DCC: variants seen among roughly 807,000 people sequenced by gnomAD.
The protein encoded by DCC is netrin receptor DCC.
DCC carries 58 observed loss-of-function variants against 172.5 expected under a neutral mutation model. That is an observed-to-expected ratio of 0.34 (90% CI 0.27 to 0.42). The LOEUF (loss-of-function observed/expected upper bound fraction) is 0.42. DCC is among the 10% of genes least tolerant of loss of function. The probability of loss-of-function intolerance (pLI) is 1.00; values close to 1 mark genes in which losing one functional copy is unlikely to be tolerated. For synonymous variants in DCC, 709 were observed against 644.5 expected (o/e 1.10, Z -1.52); for missense variants, 1,740 against 1,791.0 (o/e 0.97, Z 0.51).
At chr18:52,951,517 A>T (rs1406610943) in intron 5 of DCC, among the ~76,000 whole-genome samples, 2 of 152,010 alleles carry the variant, frequency 1.3e-5, no homozygotes, top group East Asian at 3.9e-4. Flanking sequence ...CTCACTTATG[A>T]GTGAGAACAT....
At chr18:53,380,748 G>A (rs12969469) in intron 15 of DCC, among the ~76,000 whole-genome samples, 37,442 of 152,028 alleles carry the variant, frequency 0.25, 4,943 homozygotes, top group Middle Eastern at 0.33. Flanking sequence ...ACTAACTGAC[G>A]ATAGGAAAAC....
rs200079822 is a variant in DCC, at chr18:52,380,695, ATGT to A, written c.91+39820_91+39822del. 2.5e-4 allele frequency among the ~76,000 whole-genome samples: 38 copies of A among 152,218 alleles called. No homozygotes were observed. In the East Asian group the frequency reaches 6.4e-3, roughly 26 times the overall value. ...CAGTTTCCATCATTATAAAATGAGGATGTTGAGTCATGCAAAACAGAAACAACT... is the reference window on the plus strand; with the variant it reads ...CAGTTTCCATCATTATAAAATGAGGATGAGTCATGCAAAACAGAAACAACT... On this transcript the variant is annotated intron_variant, in intron 1 of 28. Coordinates refer to ENST00000442544, the MANE Select transcript of DCC (RefSeq NM_005215.4).
intron 5 of DCC, among the ~76,000 whole-genome samples, chr18:52,954,604 T>C (rs1365223477): frequency 1.3e-5 from 2 of 152,188 alleles, no homozygotes; most frequent in South Asian, 4.1e-4. Context: ...GCAAGGATCT[T>C]GGAATCTACA....
chr18:52,362,351 T>C (rs1598862185), intron 1 of DCC, among the ~76,000 whole-genome samples: 2 of 152,218 alleles, frequency 1.3e-5, no homozygotes, highest in African/African-American at 4.8e-5. Context: ...TGATAAACAG[T>C]CAACTTCTTT....
At chr18:53,027,070 G>A (rs1005461551) in intron 5 of DCC, among the ~76,000 whole-genome samples, 6 of 151,990 alleles carry the variant, frequency 3.9e-5, no homozygotes, top group Admixed American at 1.3e-4. Flanking sequence ...AATTTCCTGG[G>A]CATTCTTAAG....
chr18:52,587,039 G>A (rs918066425), intron 1 of DCC, among the ~76,000 whole-genome samples: 1 of 152,224 alleles, frequency 6.6e-6, no homozygotes, highest in Non-Finnish European at 1.5e-5. Context: ...AGAAGCACTG[G>A]GTGCAGGATA....
intron 7 of DCC, among the ~76,000 whole-genome samples, chr18:53,111,455 A>G (rs540241768): frequency 7.9e-5 from 12 of 151,300 alleles, no homozygotes; most frequent in East Asian, 3.9e-4. Flanking sequence ...TAAAAAAAAA[A>G]AAGAGAGACC....
At chr18:52,921,069 G>T (rs951235271) in intron 3 of DCC, among the ~76,000 whole-genome samples, 5 of 152,116 alleles carry the variant, frequency 3.3e-5, no homozygotes, top group African/African-American at 9.7e-5. Flanking sequence ...TTTTTAGGAT[G>T]CTGAGATTAT....
Position 53,388,649 on chromosome 18 carries a change from A to G in DCC, c.2455+2511A>G, listed in dbSNP as rs1462403483. Among the ~76,000 whole-genome samples the G allele has an allele frequency of 1.3e-5, 2 of 152,244 alleles. 1 individual carries two copies. Among genetic ancestry groups the G allele is most frequent in the East Asian group, 3.8e-4 (2 of 5,200 alleles). ...TATTTCTTGTTGTCTTAAGGACAAG[A>G]TATCTTGAGCCTGGAGAAGGAAAGA... On this transcript the variant is annotated intron_variant, in intron 16 of 28. Coordinates refer to ENST00000442544, the MANE Select transcript of DCC (RefSeq NM_005215.4).
intron 1 of DCC, among the ~76,000 whole-genome samples, chr18:52,583,991 A>G (rs946136461): frequency 1.2e-4 from 18 of 152,186 alleles, no homozygotes; most frequent in African/African-American, 4.1e-4. Context: ...CTAGAAGCAG[A>G]TAGTGAATGT....
At chr18:52,575,979 A>G (rs2033400423) in intron 1 of DCC, among the ~76,000 whole-genome samples, 1 of 152,180 alleles carries the variant, frequency 6.6e-6, no homozygotes, top group Non-Finnish European at 1.5e-5. Flanking sequence ...TGGGTAAGCG[A>G]AGGAAGATCT....
At chr18:53,435,978 A>G (rs1365257179) in intron 22 of DCC, among the ~76,000 whole-genome samples, 1 of 152,194 alleles carries the variant, frequency 6.6e-6, no homozygotes, top group African/African-American at 2.4e-5. Context: ...TTGACTTACT[A>G]AAAAGACCTT....
chr18:52,650,962 T>C (rs1383633101), intron 1 of DCC, among the ~76,000 whole-genome samples: 2 of 152,210 alleles, frequency 1.3e-5, no homozygotes, highest in South Asian at 2.1e-4. Context: ...ATGTAACAGA[T>C]ACCAAAAGTC....
chr18:52,979,962 C>T (rs2041180762), intron 5 of DCC, among the ~76,000 whole-genome samples: 1 of 152,166 alleles, frequency 6.6e-6, no homozygotes, highest in African/African-American at 2.4e-5. Flanking sequence ...GTCAGTGTTA[C>T]TTGAAAAGGA....
chr18:52,745,568 A>G (rs1448322394), intron 1 of DCC, among the ~76,000 whole-genome samples: 1 of 152,042 alleles, frequency 6.6e-6, no homozygotes, highest in Non-Finnish European at 1.5e-5. Context: ...TTACATGTAT[A>G]CAATGTTTGG....
chr18:52,846,647 A>T lies in DCC; in HGVS notation c.413-59397A>T, dbSNP rs142214662. Among the ~76,000 whole-genome samples, 409 of 144,174 alleles carry T rather than the reference A, an allele frequency of 2.8e-3. 3 individuals carry two copies. Among genetic ancestry groups the T allele is most frequent in the African/African-American group, 7.6e-3 (297 of 39,218 alleles). The allele number at this position is 144,174 out of a possible 152,430, so 94.6% of individuals were successfully genotyped here. A position where few individuals can be genotyped will look rare whatever the true frequency, so the allele number is the denominator to read the frequency against. On this transcript the variant is annotated intron_variant, in intron 2 of 28. Coordinates refer to ENST00000442544, the MANE Select transcript of DCC (RefSeq NM_005215.4). Reference sequence around the variant, plus strand: ...CACACACACACACACACACACACACACACACTTGGGGATACTTGTCTTGGT... The same window carrying T: ...CACACACACACACACACACACACACTCACACTTGGGGATACTTGTCTTGGT...
In DCC at chr18:53,095,822, G is replaced by T. The variant is rs556478572; in HGVS notation, c.1261+29656G>T. On this transcript the variant is annotated intron_variant, in intron 7 of 28. Transcript: ENST00000442544. ...TTTTTTTTTTTTTGGAGGGTATGGG[G>T]TTTTTTTCATCCTACCACAAAAACA... Among the ~76,000 whole-genome samples, 12 of 136,652 alleles carry T rather than the reference G, an allele frequency of 8.8e-5. No homozygotes were observed. The South Asian group carries it at 2.1e-3, about 24-fold the overall frequency. The allele number at this position is 136,652 out of a possible 152,430, so 89.6% of individuals were successfully genotyped here.
chr18:53,062,693 T>G (rs186160718), intron 5 of DCC, among the ~76,000 whole-genome samples: 66 of 152,248 alleles, frequency 4.3e-4, no homozygotes, highest in Non-Finnish European at 3.1e-4. Flanking sequence ...GGAATTAAAT[T>G]AGTATATCAC....
intron 1 of DCC, among the ~76,000 whole-genome samples, chr18:52,353,761 G>A (rs1419145699): frequency 9.2e-5 from 14 of 152,168 alleles, no homozygotes; most frequent in East Asian, 1.9e-4. Flanking sequence ...TCTCAGCTGC[G>A]CAGATTGGAT....
Sources: gnomAD v4.1 joint callset for allele counts (sites outside exome capture counted in the v4.1 genomes callset) on GRCh38, gnomAD v4.1.1 for gene constraint, MANE v1.5 for transcripts, NCBI Gene and HGNC (gene_info 2026-07-23, HGNC 2026-07-21) for gene names.